Variants in HS3ST3A1 observed in about 807,000 individuals in gnomAD.
The protein encoded by HS3ST3A1 is heparan sulfate-glucosamine 3-sulfotransferase 3A1.
Under a neutral mutation model 25.7 loss-of-function variants are expected in HS3ST3A1, and 19 were observed. The observed-to-expected ratio is 0.74, with a 90% CI of 0.52 to 1.08. The LOEUF (loss-of-function observed/expected upper bound fraction) is 1.08. Ranked by LOEUF, HS3ST3A1 falls within the 50% of genes least tolerant of loss-of-function variation. The probability of loss-of-function intolerance (pLI) is 0.00; values close to 1 mark genes in which losing one functional copy is unlikely to be tolerated. For missense variants in HS3ST3A1, 459 were observed against 594.3 expected, an observed-to-expected ratio of 0.77 and a Z score of 2.37; for synonymous variants, 226 against 278.6, an observed-to-expected ratio of 0.81 and a Z score of 1.88.
chr17:13,589,022 C>T (rs1157048477), intron 1 of HS3ST3A1, among the ~76,000 whole-genome samples: 1 of 152,196 alleles, frequency 6.6e-6, no homozygotes, highest in Non-Finnish European at 1.5e-5. Flanking sequence ...GAAAAACTCA[C>T]TGGTCCACTC....
intron 1 of HS3ST3A1, among the ~76,000 whole-genome samples, chr17:13,572,356 A>G (rs555349010): frequency 6.6e-6 from 1 of 152,286 alleles, no homozygotes; most frequent in African/African-American, 2.4e-5. Context: ...CCTGTGTCCA[A>G]GGATCCTTTC....
rs113577085 is a variant in HS3ST3A1 at position 13,551,400 on chromosome 17, A to G, written c.599+49131T>C. The stretch of plus-strand genomic sequence containing the variant: ...AAATAAATAAATAAATATAAAAATA[A>G]ATACAGGATCACCATTTACTTGCTA... On this transcript the variant is annotated intron_variant, in intron 1 of 1. Transcript: ENST00000284110. 7.9e-3 allele frequency among the ~76,000 whole-genome samples: 1,194 copies of G among 151,084 alleles called. 23 individuals are homozygous for G. Among genetic ancestry groups the G allele is most frequent in the African/African-American group, 0.027 (1,107 of 41,162 alleles).
chr17:13,559,618 T>C (rs935244709), intron 1 of HS3ST3A1, among the ~76,000 whole-genome samples: 1 of 150,468 alleles, frequency 6.6e-6, no homozygotes, highest in Non-Finnish European at 1.5e-5. Flanking sequence ...TTGGCTAATT[T>C]ATTTATTATT....
At chr17:13,551,203 G>A (rs561561384) in intron 1 of HS3ST3A1, among the ~76,000 whole-genome samples, 4 of 151,594 alleles carry the variant, frequency 2.6e-5, no homozygotes, top group Admixed American at 2.0e-4. Context: ...AAAAAAATTA[G>A]GTGGGCGTGG....
intron 1 of HS3ST3A1, among the ~76,000 whole-genome samples, chr17:13,548,771 T>A (rs1284941399): frequency 6.6e-6 from 1 of 152,114 alleles, no homozygotes; most frequent in Non-Finnish European, 1.5e-5. Flanking sequence ...CGTTCTTGTG[T>A]CTAGCTAAAG....
At chr17:13,524,147 G>A (rs542991875) in intron 1 of HS3ST3A1, among the ~76,000 whole-genome samples, 99 of 152,202 alleles carry the variant, frequency 6.5e-4, no homozygotes, top group Non-Finnish European at 1.3e-3. Context: ...CACTCACAGA[G>A]TATGAGTTTG....
intron 1 of HS3ST3A1, among the ~76,000 whole-genome samples, chr17:13,576,704 G>T (rs1029145214): frequency 2.0e-5 from 3 of 152,180 alleles, no homozygotes; most frequent in African/African-American, 7.2e-5. Context: ...AACATCTGAG[G>T]CATCTGATTT....
In HS3ST3A1 at chr17:13,520,381, C is replaced by G. The variant is rs561309734; in HGVS notation, c.600-23563G>C. Among the ~76,000 whole-genome samples the G allele has an allele frequency of 1.4e-4, 22 of 152,266 alleles. No homozygotes were observed. In the South Asian group the frequency reaches 4.3e-3, roughly 30 times the overall value. On this transcript the variant is annotated intron_variant, in intron 1 of 1. Transcript: ENST00000284110. Reference sequence around the variant, plus strand: ...TACAGTATGTTTGAAGGGAAACAAACCTTTGAAAATTGTATCAGTCCTACT... The same window carrying G: ...TACAGTATGTTTGAAGGGAAACAAAGCTTTGAAAATTGTATCAGTCCTACT...
intron 1 of HS3ST3A1, among the ~76,000 whole-genome samples, chr17:13,527,566 C>T (rs1404152808): frequency 6.6e-6 from 1 of 152,122 alleles, no homozygotes; most frequent in Non-Finnish European, 1.5e-5. Context: ...CCCTGCTCCC[C>T]ACAGCACAAA....
At chr17:13,598,449 T>TA (rs1377222231) in intron 1 of HS3ST3A1, among the ~76,000 whole-genome samples, 1 of 152,082 alleles carries the variant, frequency 6.6e-6, no homozygotes, top group Non-Finnish European at 1.5e-5. Flanking sequence ...ATGCATCCAA[T>TA]AAAAAACCAC....
intron 1 of HS3ST3A1, among the ~76,000 whole-genome samples, chr17:13,534,547 CAAAAAAAAAAAA>C (rs34383911): frequency 7.9e-4 from 26 of 32,828 alleles, no homozygotes; most frequent in East Asian, 2.8e-3. Context: ...CTACAAAATC[CAAAAAAAAAAAA>C]AAAAAAAAAA....
At chr17:13,551,510 C>T (rs1021100420) in intron 1 of HS3ST3A1, among the ~76,000 whole-genome samples, 1 of 151,344 alleles carries the variant, frequency 6.6e-6, no homozygotes, top group Non-Finnish European at 1.5e-5. Flanking sequence ...GGCCATATCA[C>T]TGTCCTGTTC....
chr17:13,541,572 G>T (rs1402094996), intron 1 of HS3ST3A1, among the ~76,000 whole-genome samples: 1 of 152,104 alleles, frequency 6.6e-6, no homozygotes, highest in Non-Finnish European at 1.5e-5. Flanking sequence ...GATTTGAGAG[G>T]GTGGTTATTC....
At chr17:13,552,061 G>T (rs1907259995) in intron 1 of HS3ST3A1, among the ~76,000 whole-genome samples, 1 of 149,192 alleles carries the variant, frequency 6.7e-6, no homozygotes, top group Non-Finnish European at 1.5e-5. Context: ...TGCTGTATTT[G>T]GTTCTTGAAC....
chr17:13,524,845 A>G (rs1906360318), intron 1 of HS3ST3A1, among the ~76,000 whole-genome samples: 1 of 152,202 alleles, frequency 6.6e-6, no homozygotes, highest in Non-Finnish European at 1.5e-5. Context: ...TTTAAAAGTC[A>G]CTGCTTGCAT....
chr17:13,515,261 G>A (rs1006554190), intron 1 of HS3ST3A1, among the ~76,000 whole-genome samples: 1 of 152,172 alleles, frequency 6.6e-6, no homozygotes, highest in African/African-American at 2.4e-5. Flanking sequence ...TTGGGTTCAG[G>A]CGATTCTCCC....
At chr17:13,504,556 T>A (rs1905593789) in intron 1 of HS3ST3A1, among the ~76,000 whole-genome samples, 1 of 152,192 alleles carries the variant, frequency 6.6e-6, no homozygotes, top group Non-Finnish European at 1.5e-5. Flanking sequence ...GGGTGCTGGC[T>A]ACAGAAGCGT....
chr17:13,527,123 G>A (rs543639599), intron 1 of HS3ST3A1, among the ~76,000 whole-genome samples: 6 of 152,244 alleles, frequency 3.9e-5, no homozygotes, highest in African/African-American at 1.4e-4. Context: ...GCTGCTATAC[G>A]TGGGAAACAG....
At chr17:13,538,122 GT>G (rs929047452) in intron 1 of HS3ST3A1, among the ~76,000 whole-genome samples, 3 of 152,218 alleles carry the variant, frequency 2.0e-5, no homozygotes, top group Non-Finnish European at 4.4e-5. Context: ...TCTCTATAGT[GT>G]TTTTTAATAC....
Sources: allele counts gnomAD v4.1 joint callset (sites outside exome capture counted in the v4.1 genomes callset), GRCh38; gene constraint gnomAD v4.1.1; transcripts MANE v1.5; gene names NCBI Gene and HGNC (gene_info 2026-07-23, HGNC 2026-07-21).